The following ZNF320 variants were observed in gnomAD, a reference collection of about 807,000 sequenced individuals.
The protein encoded by ZNF320 is zinc finger gene 320.
ZNF320 carries 2 observed loss-of-function variants against 6.8 expected under a neutral mutation model. The ratio of observed to expected loss-of-function variants is 0.29; its 90% CI spans 0.12 to 0.93. The LOEUF (loss-of-function observed/expected upper bound fraction) is 0.93. Among genes scored for constraint, ZNF320 ranks in the 40% least tolerant of loss-of-function variants. The probability of loss-of-function intolerance (pLI) is 0.55; values close to 1 mark genes in which losing one functional copy is unlikely to be tolerated. For synonymous variants in ZNF320, 208 were observed against 203.2 expected, an observed-to-expected ratio of 1.02 and a Z score of -0.20; for missense variants, 472 against 611.0, an observed-to-expected ratio of 0.77 and a Z score of 2.40.
chr19:52,900,934 C>A (rs948449046), upstream of ZNF320, among the ~76,000 whole-genome samples: 1 of 150,558 alleles, frequency 6.6e-6, no homozygotes, highest in Non-Finnish European at 1.5e-5. Flanking sequence ...AACTGTGTAA[C>A]TTTTTTTCTA....
At chr19:52,897,992 A>G (rs1009139385), upstream of ZNF320, among the ~76,000 whole-genome samples, 2 of 152,096 alleles carry the variant, frequency 1.3e-5, no homozygotes, top group Non-Finnish European at 2.9e-5. Context: ...TTGAAATAGT[A>G]CCTCCCTGAG....
chr19:52,873,241 A>G (rs879567576), downstream of ZNF320, among the ~76,000 whole-genome samples: 4 of 152,268 alleles, frequency 2.6e-5, no homozygotes, highest in Admixed American at 2.0e-4. Flanking sequence ...TTCCCTTCCC[A>G]TAAGGCCATA....
chr19:52,888,023 G>C, intron 5 of ZNF320, 104 bp downstream of exon 5: 2 of 1,542,622 alleles, frequency 1.3e-6, no homozygotes, highest in Admixed American at 4.1e-5. Flanking sequence ...AATCAATACA[G>C]CTTCCATTTT....
intron 5 of ZNF320, among the ~76,000 whole-genome samples, chr19:52,887,768 G>A (rs1290597414): frequency 1.3e-5 from 2 of 152,028 alleles, no homozygotes; most frequent in Non-Finnish European, 2.9e-5. Context: ...TGTATTTTTA[G>A]TAGAGACAGG....
downstream of ZNF320, among the ~76,000 whole-genome samples, chr19:52,875,803 C>T (rs927305576): frequency 6.6e-6 from 1 of 151,858 alleles, no homozygotes. Context: ...AAAAAAATTC[C>T]AGGACAATTT....
exon 6 of ZNF320, chr19:52,862,793 G>A: frequency 2.8e-6 from 1 of 353,638 alleles, no homozygotes; most frequent in Non-Finnish European, 5.8e-6. Flanking sequence ...GCATTGCAAG[G>A]TGTGATCTGC....
chr19:52,865,495 ATT>A (rs1491111969), intron 5 of ZNF320: 18 of 138,290 alleles, frequency 1.3e-4, no homozygotes, highest in African/African-American at 2.6e-4. Context: ...ATACATATAT[ATT>A]ATACATATAT....
At chr19:52,865,846 CATATATTTATATATTATACAT>C (rs1254907783) in intron 5 of ZNF320, among the ~76,000 whole-genome samples, 8 of 73,574 alleles carry the variant, frequency 1.1e-4, no homozygotes, top group East Asian at 3.0e-4. Flanking sequence ...TGATTATACA[CATATATTTATATATTATACAT>C]ATATATTTAT....
At chr19:52,870,324 C>T (rs576544729) in intron 5 of ZNF320, among the ~76,000 whole-genome samples, 3 of 151,378 alleles carry the variant, frequency 2.0e-5, no homozygotes, top group African/African-American at 7.3e-5. Flanking sequence ...ACTAAAAATA[C>T]AAAAATTAGC....
At chr19:52,861,442 A>G (rs1309173369) in exon 6 of ZNF320, among the ~76,000 whole-genome samples, 3 of 152,218 alleles carry the variant, frequency 2.0e-5, no homozygotes, top group Non-Finnish European at 2.9e-5. Context: ...AATGTGATTT[A>G]GATTCAACAC....
intron 5 of ZNF320, among the ~76,000 whole-genome samples, chr19:52,887,807 A>C (rs914716705): frequency 1.3e-5 from 2 of 151,844 alleles, no homozygotes; most frequent in Non-Finnish European, 2.9e-5. Context: ...GGCTGGTCTC[A>C]AACTCCTGAC....
At chr19:52,874,692 C>A (rs1280814695), downstream of ZNF320, among the ~76,000 whole-genome samples, 1 of 152,140 alleles carries the variant, frequency 6.6e-6, no homozygotes, top group Non-Finnish European at 1.5e-5. Flanking sequence ...AAGAATCACA[C>A]AGAACAGGCA....
At chr19:52,886,627 G>A (rs572477272) in intron 5 of ZNF320, among the ~76,000 whole-genome samples, 2 of 152,210 alleles carry the variant, frequency 1.3e-5, no homozygotes, top group African/African-American at 4.8e-5. Context: ...AGAACTAAAA[G>A]ACAAAACTAT....
downstream of ZNF320, among the ~76,000 whole-genome samples, chr19:52,874,631 C>G (rs901398549): frequency 6.6e-6 from 1 of 152,180 alleles, no homozygotes; most frequent in African/African-American, 2.4e-5. Flanking sequence ...GCTCTGCTCT[C>G]CACTTGGGGA....
exon 6 of ZNF320, chr19:52,863,995 G>A: frequency 2.2e-6 from 1 of 459,750 alleles, no homozygotes; most frequent in South Asian, 1.6e-5. Flanking sequence ...AGATACACAA[G>A]GACAGATTCT....
At chr19:52,902,668 C>G (rs920209609), upstream of ZNF320, among the ~76,000 whole-genome samples, 7 of 152,110 alleles carry the variant, frequency 4.6e-5, no homozygotes, top group African/African-American at 1.7e-4. Flanking sequence ...GATTTTTATA[C>G]CAGATAAGCT....
chr19:52,866,233 CAT>C (rs35128688), intron 5 of ZNF320, among the ~76,000 whole-genome samples: 45,792 of 112,076 alleles, frequency 0.41, 13,262 homozygotes, highest in African/African-American at 0.5. Flanking sequence ...TATGATTATA[CAT>C]ATATATATAT....
At position 52,880,994 on chromosome 19, in the gene ZNF320, C is replaced by T. The variant is rs373942525; in HGVS notation, c.1132G>A (p.Val378Ile). The T allele has an allele frequency of 4.9e-5, 79 of 1,612,988 alleles. No homozygotes were observed. The highest frequency in any genetic ancestry group is 6.4e-5 in the Non-Finnish European group (76 of 1,179,706). ...SDSRLAEHQR[V>I]HTGERPYTCN... ...GTGTAAGGTCTCTCTCCAGTATGAACTCTCTGATGTTCTGCAAGACGTGAA... is the reference window on the plus strand; with the variant it reads ...GTGTAAGGTCTCTCTCCAGTATGAATTCTCTGATGTTCTGCAAGACGTGAA... Residue 378 changes from valine to isoleucine, a missense_variant, in exon 6 of 6, where the codon GTT (valine) becomes ATT (isoleucine). By Grantham distance (29) the Val-to-Ile change is conservative. Transcript: ENST00000682928.
chr19:52,900,280 C>G (rs2064567232), upstream of ZNF320, among the ~76,000 whole-genome samples: 1 of 152,184 alleles, frequency 6.6e-6, no homozygotes. Flanking sequence ...TACTATTATA[C>G]AACTTTTGCC....
Sources: allele counts gnomAD v4.1 joint callset (sites outside exome capture counted in the v4.1 genomes callset), GRCh38; gene constraint gnomAD v4.1.1; transcripts MANE v1.5; gene names NCBI Gene and HGNC (gene_info 2026-07-23, HGNC 2026-07-21).